CHRM3: variants seen among roughly 807,000 people sequenced by gnomAD.
CHRM3 encodes the protein muscarinic acetylcholine receptor M3.
CHRM3 carries 11 observed loss-of-function variants against 41.8 expected under a neutral mutation model. The ratio of observed to expected loss-of-function variants is 0.26; its 90% CI spans 0.17 to 0.44. The LOEUF (loss-of-function observed/expected upper bound fraction) is 0.44. Ranked by LOEUF, CHRM3 falls within the 20% of genes least tolerant of loss-of-function variation. The pLI, the probability that CHRM3 is intolerant of heterozygous loss-of-function variation, is 1.00. For missense variants in CHRM3, 571 were observed against 745.4 expected (o/e 0.77, Z 2.72); for synonymous variants, 297 against 301.4 (o/e 0.99, Z 0.15).
In CHRM3 at chr1:239,748,199, C is replaced by T. The variant is rs997754157; in HGVS notation, c.-147+69911C>T. On this transcript the variant is annotated intron_variant, in intron 5 of 6. Transcript: ENST00000676153. The surrounding 1 kb of genome is among the most constrained non-coding windows in gnomAD (Gnocchi z 4.3). ...ACCACTTAAGAAGAAAGTGTATACA[C>T]ACCCGTTATCTGCACTAATTGAAGA... Among the ~76,000 whole-genome samples the T allele has an allele frequency of 6.6e-6, 1 of 152,226 alleles. No individual in the cohort carries two copies. Among genetic ancestry groups the T allele is most frequent in the African/African-American group, 2.4e-5 (1 of 41,456 alleles).
intron 1 of CHRM3, among the ~76,000 whole-genome samples, chr1:239,489,472 T>C (rs13374342): frequency 0.037 from 5,561 of 152,204 alleles, 343 homozygotes; most frequent in African/African-American, 0.13. Flanking sequence ...TTGGTATCAC[T>C]TACAGAGCTG....
At chr1:239,393,054 G>A (rs1659178616) in intron 1 of CHRM3, among the ~76,000 whole-genome samples, 1 of 152,094 alleles carries the variant, frequency 6.6e-6, no homozygotes, top group Non-Finnish European at 1.5e-5. Flanking sequence ...CAGGTACTCG[G>A]GAGGCTAAGG....
intron 5 of CHRM3, among the ~76,000 whole-genome samples, chr1:239,772,690 T>A (rs1667788538): frequency 6.6e-6 from 1 of 152,112 alleles, no homozygotes; most frequent in African/African-American, 2.4e-5. Context: ...CAAATTCTCC[T>A]ACCCCACTGT....
chr1:239,420,211 C>T (rs1379378699), intron 1 of CHRM3, among the ~76,000 whole-genome samples: 1 of 152,192 alleles, frequency 6.6e-6, no homozygotes, highest in Non-Finnish European at 1.5e-5. Context: ...TTACTTACTT[C>T]TGTCTTCACA....
intron 5 of CHRM3, among the ~76,000 whole-genome samples, chr1:239,787,414 T>C (rs938767823): frequency 3.9e-5 from 6 of 152,062 alleles, no homozygotes; most frequent in African/African-American, 1.4e-4. Context: ...GCAGAAGCCG[T>C]GTAGAAGCTT....
intron 6 of CHRM3, among the ~76,000 whole-genome samples, chr1:239,891,929 T>G (rs80193509): frequency 0.013 from 1,967 of 152,262 alleles, 21 homozygotes; most frequent in Middle Eastern, 0.034. Context: ...GGTGGGGGTA[T>G]AGCAAGGTGT....
chr1:239,697,681 A>G (rs752477453), intron 5 of CHRM3, among the ~76,000 whole-genome samples: 2 of 152,166 alleles, frequency 1.3e-5, no homozygotes, highest in Non-Finnish European at 2.9e-5. Context: ...AAACTACAGT[A>G]GTTTTAAAAA....
intron 5 of CHRM3, among the ~76,000 whole-genome samples, chr1:239,740,940 A>AT (rs1451702092): frequency 6.6e-6 from 1 of 152,114 alleles, no homozygotes; most frequent in Non-Finnish European, 1.5e-5. Context: ...TATCAATGGT[A>AT]TTTTTTGAAT....
intron 3 of CHRM3, among the ~76,000 whole-genome samples, chr1:239,569,180 A>G (rs1661617944): frequency 6.6e-6 from 1 of 152,228 alleles, no homozygotes; most frequent in African/African-American, 2.4e-5. Context: ...TAGCTATATG[A>G]CAATAAGAAA....
intron 6 of CHRM3, among the ~76,000 whole-genome samples, chr1:239,904,171 T>G (rs1471225087): frequency 6.6e-6 from 1 of 152,152 alleles, no homozygotes; most frequent in African/African-American, 2.4e-5. Context: ...TGAGGAAACG[T>G]AGCTGCTGTG....
At chr1:239,785,285 A>C (rs1275269428) in intron 5 of CHRM3, among the ~76,000 whole-genome samples, 1 of 152,292 alleles carries the variant, frequency 6.6e-6, no homozygotes, top group Middle Eastern at 3.4e-3. Flanking sequence ...GATTTCATTG[A>C]GGAGTATTTG....
intron 4 of CHRM3, among the ~76,000 whole-genome samples, chr1:239,643,873 G>A (rs925712258): frequency 6.6e-6 from 1 of 152,184 alleles, no homozygotes; most frequent in African/African-American, 2.4e-5. Context: ...CTCACACTGG[G>A]AGCTGTAGAC....
chr1:239,742,944 A>G (rs1261452651), intron 5 of CHRM3, among the ~76,000 whole-genome samples: 1 of 152,164 alleles, frequency 6.6e-6, no homozygotes, highest in Non-Finnish European at 1.5e-5. Flanking sequence ...TACTGAAGAT[A>G]GGTCTTTTTG....
intron 3 of CHRM3, among the ~76,000 whole-genome samples, chr1:239,552,593 C>G (rs1659972307): frequency 6.8e-6 from 1 of 147,310 alleles, no homozygotes. Context: ...TCCCAAATAG[C>G]TGGGACTACA....
chr1:239,618,271 TTC>T lies in CHRM3; in HGVS notation c.-312-13951_-312-13950del, dbSNP rs1273365842. Among the ~76,000 whole-genome samples the T allele has an allele frequency of 7.2e-5, 9 of 124,628 alleles. No homozygotes were observed. The East Asian group carries it at 2.0e-3, about 28-fold the overall frequency. The allele number at this position is 124,628 out of a possible 152,430, so 81.8% of individuals were successfully genotyped here. A position where few individuals can be genotyped will look rare whatever the true frequency, so the allele number is the denominator to read the frequency against. On this transcript the variant is annotated intron_variant, in intron 3 of 6. Transcript: ENST00000676153. ...AATAGAGAGTAGGAGTACTTTTTTT[TTC>T]TTTCTTTTTTTTTTTTTTTTTTAAT...
At chr1:239,761,614 G>T (rs1666780379) in intron 5 of CHRM3, among the ~76,000 whole-genome samples, 1 of 152,122 alleles carries the variant, frequency 6.6e-6, no homozygotes, top group African/African-American at 2.4e-5. Context: ...TGCCTACTCT[G>T]GCACTACCAC....
intron 4 of CHRM3, among the ~76,000 whole-genome samples, chr1:239,658,869 G>T (rs909477754): frequency 6.6e-6 from 1 of 151,904 alleles, no homozygotes; most frequent in Non-Finnish European, 1.5e-5. Flanking sequence ...CTCCTGAGTA[G>T]CTGGAACTAC....
chr1:239,719,478 G>C (rs991394054), intron 5 of CHRM3: 1 of 151,928 alleles, frequency 6.6e-6, no homozygotes, highest in Admixed American at 6.6e-5. Context: ...TTTATCCTTG[G>C]ATTAGACTCA....
intron 5 of CHRM3, chr1:239,706,297 C>G (rs1410195651): frequency 1.3e-5 from 2 of 151,622 alleles, no homozygotes; most frequent in Admixed American, 1.3e-4. Flanking sequence ...TGAAGGAAAA[C>G]TTTACTGACA....
Sources: allele counts gnomAD v4.1 joint callset (sites outside exome capture counted in the v4.1 genomes callset), GRCh38; gene constraint gnomAD v4.1.1; non-coding constraint Gnocchi (gnomAD v3.1); transcripts MANE v1.5; gene names NCBI Gene and HGNC (gene_info 2026-07-23, HGNC 2026-07-21).